Variants in TMPO observed in about 807,000 individuals in gnomAD.
TMPO encodes the protein thymopoietin, also known as LEM domain containing 4.
Under a neutral mutation model 45.4 loss-of-function variants are expected in TMPO, and 22 were observed. That is an observed-to-expected ratio of 0.48 (90% CI 0.35 to 0.69). The LOEUF is 0.69. Ranked by LOEUF, TMPO falls within the 30% of genes least tolerant of loss-of-function variation. The pLI, the probability that TMPO is intolerant of heterozygous loss-of-function variation, is 0.01. For missense variants in TMPO, 512 were observed against 548.8 expected, an observed-to-expected ratio of 0.93 and a Z score of 0.67; for synonymous variants, 241 against 204.1, an observed-to-expected ratio of 1.18 and a Z score of -1.54.
chr12:98,518,642 C>T (rs762092234), intron 1 of TMPO, among the ~76,000 whole-genome samples: 1 of 151,894 alleles, frequency 6.6e-6, no homozygotes, highest in Non-Finnish European at 1.5e-5. Context: ...CTATCAGCCA[C>T]TTGGTAAAAG....
intron 3 of TMPO, chr12:98,533,124 G>A: frequency 1.9e-6 from 3 of 1,614,128 alleles, no homozygotes; most frequent in Non-Finnish European, 2.5e-6. Flanking sequence ...GGTGTTTAGA[G>A]AAAAGTTCTT....
chr12:98,526,922 C>A (rs181709443), intron 1 of TMPO, among the ~76,000 whole-genome samples: 1 of 151,430 alleles, frequency 6.6e-6, no homozygotes, highest in Non-Finnish European at 1.5e-5. Flanking sequence ...TGCACCGCTG[C>A]GCTCCAGCCT....
intron 3 of TMPO, chr12:98,534,501 A>G: frequency 2.1e-6 from 3 of 1,447,078 alleles, no homozygotes; most frequent in South Asian, 2.9e-5. Context: ...GCCTGTGTAG[A>G]ACTACTTGTC....
Position 98,534,082 on chromosome 12 carries a change from A to G in TMPO, c.565+2244A>G, listed in dbSNP as rs747602379. 22 of 1,611,956 alleles carry G rather than the reference A, an allele frequency of 1.4e-5. No individual in the cohort carries two copies. The South Asian group carries it at 2.3e-4, about 17-fold the overall frequency. On this transcript the variant is annotated intron_variant, in intron 3 of 8. Coordinates refer to ENST00000556029, the MANE Select transcript of TMPO (RefSeq NM_001032283.3). The stretch of plus-strand genomic sequence containing the variant: ...TGCACAGATTCTTAGCTCAGATCCT[A>G]GTCGTACCCACCAAGCGCTTGGGAT...
intron 3 of TMPO, chr12:98,535,154 T>C (rs909811259): frequency 1.0e-6 from 1 of 985,236 alleles, no homozygotes; most frequent in Non-Finnish European, 1.2e-6. Context: ...CCTGGGATAG[T>C]GCATGTTCAC....
intron 1 of TMPO, among the ~76,000 whole-genome samples, chr12:98,516,935 G>A (rs1453775323): frequency 6.6e-6 from 1 of 152,104 alleles, no homozygotes; most frequent in African/African-American, 2.4e-5. Flanking sequence ...TCAGCCTCCC[G>A]AGTAGCTGGG....
intron 7 of TMPO, among the ~76,000 whole-genome samples, chr12:98,545,314 A>G (rs182679322): frequency 6.6e-6 from 1 of 152,100 alleles, no homozygotes; most frequent in Non-Finnish European, 1.5e-5. Flanking sequence ...TTTTCAAGGG[A>G]GTGGTCATTT....
Position 98,549,483 on chromosome 12 carries a change from C to G in TMPO, c.*1625C>G, listed in dbSNP as rs1444370156. On this transcript the variant is annotated 3_prime_UTR_variant, in exon 9 of 9. Transcript: ENST00000556029. Reference sequence around the variant, plus strand: ...GGCCGGCATTATGATTTTGTGTACTCTTGAAATGGTTATCTTTGTGGATGA... The same window carrying G: ...GGCCGGCATTATGATTTTGTGTACTGTTGAAATGGTTATCTTTGTGGATGA... The G allele has an allele frequency of 6.6e-6, 1 of 152,022 alleles. No individual in the cohort carries two copies. The highest frequency in any genetic ancestry group is 2.4e-5 in the African/African-American group (1 of 41,406). The allele number at this position is 152,022 out of a possible 1,614,324, so 9.4% of individuals were successfully genotyped here. A position where few individuals can be genotyped will look rare whatever the true frequency, so the allele number is the denominator to read the frequency against.
At chr12:98,541,918 C>T (rs1259104813) in intron 4 of TMPO, among the ~76,000 whole-genome samples, 1 of 152,058 alleles carries the variant, frequency 6.6e-6, no homozygotes, top group Non-Finnish European at 1.5e-5. Context: ...CATTTTTAAC[C>T]TAAACCTAGA....
Position 98,535,073 on chromosome 12 carries a change from T to C in TMPO, c.566-2402T>C, listed in dbSNP as rs930691464. 8.9e-6 allele frequency: 8 copies of C among 899,906 alleles called. No homozygotes were observed. The African/African-American group carries it at 1.4e-4, about 16-fold the overall frequency. The allele number at this position is 899,906 out of a possible 1,614,324, so 55.7% of individuals were successfully genotyped here. Reference sequence around the variant, plus strand: ...AGTAATTTATCTCTTCATTGACTGGTAGCAACCAATTCATGGACCAGTACC... The same window carrying C: ...AGTAATTTATCTCTTCATTGACTGGCAGCAACCAATTCATGGACCAGTACC... On this transcript the variant is annotated intron_variant, in intron 3 of 8. Coordinates refer to ENST00000556029, the MANE Select transcript of TMPO (RefSeq NM_001032283.3).
chr12:98,515,614 T>G lies in TMPO; in HGVS notation c.-254T>G. ...CGAAGCAGGCTGCTCGCCTCCTGCC[T>G]GTAGTGTGTGGGCTGGGGTTGGTGC... On this transcript the variant is annotated 5_prime_UTR_variant, in exon 1 of 9. Transcript: ENST00000556029. The G allele has an allele frequency of 4.7e-6, 3 of 635,252 alleles. No individual in the cohort carries two copies. The highest frequency in any genetic ancestry group is 2.9e-5 in the East Asian group (1 of 34,220). The allele number at this position is 635,252 out of a possible 1,614,324, so 39.4% of individuals were successfully genotyped here.
chr12:98,535,248 T>C lies in TMPO; in HGVS notation c.566-2227T>C, dbSNP rs2121216104. The C allele has an allele frequency of 4.1e-6, 4 of 983,564 alleles. No individual in the cohort carries two copies. The South Asian group carries it at 1.4e-4, about 35-fold the overall frequency. 60.9% of individuals were successfully genotyped at this position (983,564 alleles called of 1,614,324 possible). A position where few individuals can be genotyped will look rare whatever the true frequency, so the allele number is the denominator to read the frequency against. On this transcript the variant is annotated intron_variant, in intron 3 of 8. Transcript: ENST00000556029. ...ATTGTATTTTGTGGAAAGTTAAGTT[T>C]AGCAATATAGACTCTAAAAGCAAAT...
At chr12:98,543,067 A>G (rs574308321) in intron 4 of TMPO, among the ~76,000 whole-genome samples, 13 of 152,302 alleles carry the variant, frequency 8.5e-5, no homozygotes, top group African/African-American at 3.1e-4. Context: ...TTATGAGACT[A>G]TGTCTGTAAC....
At chr12:98,535,813 T>C (rs560796240) in intron 3 of TMPO, among the ~76,000 whole-genome samples, 175 of 152,332 alleles carry the variant, frequency 1.1e-3, no homozygotes, top group South Asian at 3.3e-3. Context: ...TTGAGGACCA[T>C]GTTTTTATTG....
At chr12:98,524,333 G>GA (rs1876598388) in intron 1 of TMPO, among the ~76,000 whole-genome samples, 1 of 152,200 alleles carries the variant, frequency 6.6e-6, no homozygotes, top group Non-Finnish European at 1.5e-5. Flanking sequence ...CAGCACTTTG[G>GA]AAGGCTGAGG....
chr12:98,527,525 T>TTAAA (rs368002599), intron 1 of TMPO: 8 of 159,582 alleles, frequency 5.0e-5, no homozygotes, highest in Non-Finnish European at 9.4e-5. Flanking sequence ...CCTGTATCAT[T>TTAAA]AAAAAAAAAA....
intron 1 of TMPO, among the ~76,000 whole-genome samples, chr12:98,521,100 ATTTTT>A (rs398044704): frequency 1.2e-3 from 91 of 76,776 alleles, no homozygotes; most frequent in African/African-American, 3.7e-3. Context: ...TTTATGAGGA[ATTTTT>A]TTTTTTTTTT....
At chr12:98,540,464 T>C (rs2121237073) in intron 4 of TMPO, among the ~76,000 whole-genome samples, 1 of 152,284 alleles carries the variant, frequency 6.6e-6, no homozygotes, top group Admixed American at 6.5e-5. Context: ...CCACAACCTC[T>C]GCCTCCCAAG....
chr12:98,540,197 C>A (rs1274501114), intron 4 of TMPO, among the ~76,000 whole-genome samples: 1 of 152,164 alleles, frequency 6.6e-6, no homozygotes, highest in African/African-American at 2.4e-5. Flanking sequence ...ATTTAATTAG[C>A]TTCTCTATAC....
Sources: allele counts gnomAD v4.1 joint callset (sites outside exome capture counted in the v4.1 genomes callset), GRCh38; gene constraint gnomAD v4.1.1; transcripts MANE v1.5; gene names NCBI Gene and HGNC (gene_info 2026-07-23, HGNC 2026-07-21).